The following RORB variants were observed in gnomAD, a reference collection of about 807,000 sequenced individuals.
RORB encodes RAR related orphan receptor B, also known as nuclear receptor ROR-beta.
RORB carries 6 observed loss-of-function variants against 59.1 expected under a neutral mutation model. That is an observed-to-expected ratio of 0.10 (90% confidence interval 0.06 to 0.20). The LOEUF (loss-of-function observed/expected upper bound fraction) is 0.20, where lower values mean the gene tolerates loss of function less well. Ranked by LOEUF, RORB falls within the 10% of genes least tolerant of loss-of-function variation. The pLI is 1.00. For synonymous variants in RORB, 215 were observed against 204.5 expected, an observed-to-expected ratio of 1.05 and a Z score of -0.44; for missense variants, 320 against 560.5, an observed-to-expected ratio of 0.57 and a Z score of 4.33.
intron 1 of RORB, among the ~76,000 whole-genome samples, chr9:74,549,526 AGGG>A (rs763537646): frequency 0.51 from 25,498 of 50,126 alleles, 8,175 homozygotes; most frequent in African/African-American, 0.61. Context: ...GAAGGGAGGG[AGGG>A]AGGGAGGGAG....
At position 74,504,729 on chromosome 9, in the gene RORB, C is replaced by G. The variant is rs146936329; in HGVS notation, c.7+6746C>G. Among the ~76,000 whole-genome samples the G allele has an allele frequency of 8.7e-3, 1,323 of 151,950 alleles. 10 individuals carry two copies. The highest frequency in any genetic ancestry group is 0.014 in the Non-Finnish European group (926 of 67,850). On this transcript the variant is annotated intron_variant, in intron 1 of 9. Coordinates refer to ENST00000376896, the MANE Select transcript of RORB (RefSeq NM_006914.4). ...TACTAAATTATGCTTTTCTTACTAC[C>G]CTACGTATTACTTTGTGCTCATATA...
In RORB at chr9:74,617,302, C is replaced by T. The variant is rs536694940; in HGVS notation, c.8-12980C>T. 6.3e-4 allele frequency among the ~76,000 whole-genome samples: 96 copies of T among 152,170 alleles called. 1 individual carries two copies. Among genetic ancestry groups the T allele is most frequent in the Middle Eastern group, 3.4e-3 (1 of 294 alleles). The stretch of plus-strand genomic sequence containing the variant: ...TCCAAAAGATCATTAGATTGTTCTA[C>T]TTGTAAAAAAGCAATTTGAAAGATG... On this transcript the variant is annotated intron_variant, in intron 1 of 9. Coordinates refer to ENST00000376896, the MANE Select transcript of RORB (RefSeq NM_006914.4).
intron 7 of RORB, 96 bp from the exon 8 acceptor site, chr9:74,667,695 A>G (rs1363204506): frequency 1.3e-6 from 1 of 745,714 alleles, no homozygotes; most frequent in East Asian, 2.5e-5. Context: ...TCTAGTATGC[A>G]CCTCCTTGGA....
In RORB at chr9:74,497,817, AC is replaced by A. The variant is rs765280691; in HGVS notation, c.-157del. On this transcript the variant is annotated 5_prime_UTR_variant, in exon 1 of 10. Coordinates refer to ENST00000376896, the MANE Select transcript of RORB (RefSeq NM_006914.4). ...CATAGCGGCGGCGGCGGCAAACGTC[AC>A]CCTGCAGCCACGGCGTCCGCCTAAA... is the stretch of plus-strand genomic sequence containing the variant. 114 of 740,700 alleles carry A rather than the reference AC, an allele frequency of 1.5e-4. No individual in the cohort carries two copies. The highest frequency in any genetic ancestry group is 2.4e-4 in the Non-Finnish European group (105 of 446,560). 45.9% of individuals were successfully genotyped at this position (740,700 alleles called of 1,614,324 possible). A position where few individuals can be genotyped will look rare whatever the true frequency, so the allele number is the denominator to read the frequency against.
chr9:74,517,216 T>C (rs747797841), intron 1 of RORB, among the ~76,000 whole-genome samples: 1 of 151,986 alleles, frequency 6.6e-6, no homozygotes, highest in Non-Finnish European at 1.5e-5. Context: ...AATTCTCTCA[T>C]CATTTTTTTC....
At chr9:74,655,066 T>C (rs1824057860) in intron 4 of RORB, among the ~76,000 whole-genome samples, 1 of 152,226 alleles carries the variant, frequency 6.6e-6, no homozygotes, top group South Asian at 2.1e-4. Flanking sequence ...ACTGAGCATA[T>C]AAAATTGTTT....
intron 1 of RORB, among the ~76,000 whole-genome samples, chr9:74,618,798 A>G (rs932526348): frequency 6.6e-6 from 1 of 151,984 alleles, no homozygotes; most frequent in African/African-American, 2.4e-5. Flanking sequence ...GCCAAAGGTT[A>G]TTGTCCCAAC....
At chr9:74,622,518 G>GCTT (rs1823438990) in intron 1 of RORB, among the ~76,000 whole-genome samples, 1 of 65,942 alleles carries the variant, frequency 1.5e-5, no homozygotes, top group Non-Finnish European at 3.2e-5. Context: ...TTACAACCCA[G>GCTT]ATTTTTTTTT....
At chr9:74,646,880 C>T (rs1823908622) in intron 4 of RORB, among the ~76,000 whole-genome samples, 1 of 152,096 alleles carries the variant, frequency 6.6e-6, no homozygotes, top group African/African-American at 2.4e-5. Context: ...CGGGATGCTA[C>T]CACACTCTTC....
intron 1 of RORB, among the ~76,000 whole-genome samples, chr9:74,591,552 C>T (rs962022254): frequency 3.3e-5 from 5 of 152,262 alleles, no homozygotes; most frequent in Admixed American, 1.3e-4. Context: ...GCTGATACTA[C>T]GTGGACATAG....
At chr9:74,565,705 T>C (rs1447491368) in intron 1 of RORB, among the ~76,000 whole-genome samples, 1 of 152,194 alleles carries the variant, frequency 6.6e-6, no homozygotes, top group Admixed American at 6.5e-5. Flanking sequence ...CATCTTCTTT[T>C]TCATACATTT....
chr9:74,661,930 C>G (rs1824191814), intron 5 of RORB, among the ~76,000 whole-genome samples: 1 of 150,868 alleles, frequency 6.6e-6, no homozygotes, highest in African/African-American at 2.5e-5. Flanking sequence ...CAGGCGTGAG[C>G]CACCGCGCCC....
intron 1 of RORB, among the ~76,000 whole-genome samples, chr9:74,588,617 T>C (rs1822842071): frequency 6.6e-6 from 1 of 152,212 alleles, no homozygotes; most frequent in African/African-American, 2.4e-5. Flanking sequence ...CAAGATATTA[T>C]ACTCTTAATT....
Position 74,691,148 on chromosome 9 carries a change from T to G in RORB, c.*5530T>G, listed in dbSNP as rs1406480569. On this transcript the variant is annotated 3_prime_UTR_variant, in exon 10 of 10. Transcript: ENST00000376896. Reference sequence around the variant, plus strand: ...TTCCTCCGATGTGAATGGGCCATAGTAATCTTTGCCTCCTGCGTGACTGTA... The same window carrying G: ...TTCCTCCGATGTGAATGGGCCATAGGAATCTTTGCCTCCTGCGTGACTGTA... 1 of 152,232 alleles carries G rather than the reference T, an allele frequency of 6.6e-6. No individual in the cohort carries two copies. Among genetic ancestry groups the G allele is most frequent in the East Asian group, 1.9e-4 (1 of 5,206 alleles). 9.4% of individuals were successfully genotyped at this position (152,232 alleles called of 1,614,324 possible). A position where few individuals can be genotyped will look rare whatever the true frequency, so the allele number is the denominator to read the frequency against.
At chr9:74,506,794 C>T (rs1173847033) in intron 1 of RORB, among the ~76,000 whole-genome samples, 1 of 152,032 alleles carries the variant, frequency 6.6e-6, no homozygotes, top group Non-Finnish European at 1.5e-5. Flanking sequence ...CCTTTTAAGT[C>T]CTGAAACACA....
chr9:74,514,981 A>G (rs1825988621), intron 1 of RORB, among the ~76,000 whole-genome samples: 1 of 150,854 alleles, frequency 6.6e-6, no homozygotes, highest in Non-Finnish European at 1.5e-5. Flanking sequence ...CTCAACTTCA[A>G]CTCTATATCT....
At position 74,619,468 on chromosome 9, in the gene RORB, T is replaced by C. The variant is rs532672948; in HGVS notation, c.8-10814T>C. On this transcript the variant is annotated intron_variant, in intron 1 of 9. Transcript: ENST00000376896. Reference sequence around the variant, plus strand: ...TTGGCTGAGTTGTTTTTCTTATTTTTTGAGTTGGAGTCTTACTCTGTCGCC... The same window carrying C: ...TTGGCTGAGTTGTTTTTCTTATTTTCTGAGTTGGAGTCTTACTCTGTCGCC... Among the ~76,000 whole-genome samples the C allele has an allele frequency of 2.6e-5, 4 of 152,308 alleles. No homozygotes were observed. The South Asian group carries it at 8.3e-4, about 32-fold the overall frequency.
chr9:74,678,219 C>G (rs1418651158), intron 9 of RORB, among the ~76,000 whole-genome samples: 2 of 152,174 alleles, frequency 1.3e-5, no homozygotes, highest in Non-Finnish European at 2.9e-5. Flanking sequence ...AGAATTTGAA[C>G]CCAGTTAAGC....
intron 1 of RORB, among the ~76,000 whole-genome samples, chr9:74,628,260 T>C (rs1338893949): frequency 6.6e-6 from 1 of 151,626 alleles, no homozygotes; most frequent in Non-Finnish European, 1.5e-5. Context: ...TAGAAATGTA[T>C]ACTTAGTCTC....
Sources: allele counts gnomAD v4.1 joint callset (sites outside exome capture counted in the v4.1 genomes callset), GRCh38; gene constraint gnomAD v4.1.1; transcripts MANE v1.5; gene names NCBI Gene and HGNC (gene_info 2026-07-23, HGNC 2026-07-21).